Variants in CDH4 observed in about 807,000 individuals in gnomAD.
CDH4 encodes the protein cadherin-4.
CDH4 carries 33 observed loss-of-function variants against 86.0 expected under a neutral mutation model. The observed-to-expected ratio is 0.38, with a 90% confidence interval of 0.29 to 0.51. CDH4 has a LOEUF of 0.51. CDH4 is among the 20% of genes least tolerant of loss of function. The pLI is 0.86. For missense variants in CDH4, 1,114 were observed against 1,307.4 expected, an observed-to-expected ratio of 0.85 and a Z score of 2.28; for synonymous variants, 555 against 549.4, an observed-to-expected ratio of 1.01 and a Z score of -0.14.
chr20:61,590,332 C>G (rs929020984), intron 2 of CDH4, among the ~76,000 whole-genome samples: 2 of 152,040 alleles, frequency 1.3e-5, no homozygotes, highest in African/African-American at 4.8e-5. Flanking sequence ...TACTTTTGCT[C>G]GTGATCACAG....
At chr20:61,853,493 C>T (rs903741141) in intron 6 of CDH4, among the ~76,000 whole-genome samples, 42 of 152,124 alleles carry the variant, frequency 2.8e-4, no homozygotes, top group South Asian at 4.2e-4. Context: ...GCCTGTCCCC[C>T]GAGACTTCAC....
chr20:61,864,057 G>A (rs186146762), intron 6 of CDH4, among the ~76,000 whole-genome samples: 78 of 152,352 alleles, frequency 5.1e-4, no homozygotes, highest in Middle Eastern at 6.8e-3. Context: ...AGGCCAGTAG[G>A]GTGGGCCCTG....
At chr20:61,850,622 G>A (rs149399799) in intron 5 of CDH4, among the ~76,000 whole-genome samples, 53 of 152,308 alleles carry the variant, frequency 3.5e-4, no homozygotes, top group Non-Finnish European at 5.4e-4. Flanking sequence ...CTTGTCTCCC[G>A]GAACGAGGAT....
chr20:61,265,971 T>C (rs1413386160), intron 2 of CDH4, among the ~76,000 whole-genome samples: 1 of 152,214 alleles, frequency 6.6e-6, no homozygotes, highest in Non-Finnish European at 1.5e-5. Flanking sequence ...CAGGGTGAAC[T>C]GCCTGGGAAG....
intron 4 of CDH4, among the ~76,000 whole-genome samples, chr20:61,785,608 G>A (rs1978836464): frequency 6.6e-6 from 1 of 151,536 alleles, no homozygotes; most frequent in Admixed American, 6.6e-5. Context: ...TCACCCAGGT[G>A]GACAGGGCCC....
At chr20:61,773,332 G>T in intron 4 of CDH4, 150 bp downstream of exon 4, 1 of 758,446 alleles carries the variant, frequency 1.3e-6, no homozygotes, top group African/African-American at 1.8e-5. Context: ...GCCTTACACA[G>T]CGCGATGAAA....
At chr20:61,503,778 T>A (rs1448074880) in intron 2 of CDH4, among the ~76,000 whole-genome samples, 2 of 152,268 alleles carry the variant, frequency 1.3e-5, no homozygotes, top group African/African-American at 2.4e-5. Context: ...TTACTGTTTA[T>A]TAAACAATTT....
chr20:61,752,071 C>T (rs1021194803), intron 3 of CDH4, among the ~76,000 whole-genome samples: 2 of 152,206 alleles, frequency 1.3e-5, no homozygotes, highest in Non-Finnish European at 2.9e-5. Context: ...GTGGCTCACG[C>T]CTGTAATCCC....
At chr20:61,571,745 A>C (rs1313203574) in intron 2 of CDH4, among the ~76,000 whole-genome samples, 77 of 127,850 alleles carry the variant, frequency 6.0e-4, no homozygotes, top group East Asian at 9.1e-4. Flanking sequence ...TCCCCTTCTC[A>C]CTCTTTCCCT....
At chr20:61,680,763 C>T (rs551294171) in intron 2 of CDH4, among the ~76,000 whole-genome samples, 43 of 152,292 alleles carry the variant, frequency 2.8e-4, no homozygotes, top group Admixed American at 3.3e-4. Flanking sequence ...TCCGTCTCCC[C>T]GGGATGCAGG....
intron 2 of CDH4, among the ~76,000 whole-genome samples, chr20:61,333,511 A>C (rs1430147020): frequency 2.0e-5 from 3 of 152,194 alleles, no homozygotes; most frequent in Non-Finnish European, 2.9e-5. Flanking sequence ...ACCTGGTTCC[A>C]GGAGGGGTGA....
intron 2 of CDH4, among the ~76,000 whole-genome samples, chr20:61,353,677 C>CCATTACCCCTTCTCCTCCTCCTCT (rs2084728549): frequency 4.0e-5 from 2 of 50,112 alleles, no homozygotes; most frequent in African/African-American, 8.5e-5. Context: ...CTTCCCCCTC[C>CCATTACCCCTTCTCCTCCTCCTCT]TCCTCCCCCT....
At chr20:61,763,556 C>T (rs1238343127) in intron 3 of CDH4, among the ~76,000 whole-genome samples, 2 of 152,226 alleles carry the variant, frequency 1.3e-5, no homozygotes, top group East Asian at 3.9e-4. Flanking sequence ...GGAGTGGGAC[C>T]TGCTATCTGC....
chr20:61,633,444 TC>T (rs767290942), intron 2 of CDH4, among the ~76,000 whole-genome samples: 14 of 152,230 alleles, frequency 9.2e-5, no homozygotes, highest in Non-Finnish European at 1.8e-4. Context: ...CATCCATTCA[TC>T]CATCTATCCA....
chr20:61,357,277 T>C (rs558225720), intron 2 of CDH4, among the ~76,000 whole-genome samples: 1 of 152,346 alleles, frequency 6.6e-6, no homozygotes, highest in Non-Finnish European at 1.5e-5. Context: ...TTGGACATCG[T>C]GTGCCCCTCC....
At chr20:61,584,688 G>C (rs1056514285) in intron 2 of CDH4, among the ~76,000 whole-genome samples, 2 of 152,236 alleles carry the variant, frequency 1.3e-5, no homozygotes, top group Non-Finnish European at 2.9e-5. Context: ...AACCCTGTGA[G>C]AATGTGTGCT....
intron 2 of CDH4, among the ~76,000 whole-genome samples, chr20:61,692,718 T>C (rs576288366): frequency 6.6e-6 from 1 of 152,382 alleles, no homozygotes; most frequent in African/African-American, 2.4e-5. Context: ...CTGTGTGCCA[T>C]ATGACTCCAT....
At chr20:61,438,825 C>A (rs117183852) in intron 2 of CDH4, among the ~76,000 whole-genome samples, 1,622 of 152,090 alleles carry the variant, frequency 0.011, 16 homozygotes, top group Middle Eastern at 0.027. Flanking sequence ...GTAAATCCTG[C>A]CATGTTATTA....
intron 3 of CDH4, among the ~76,000 whole-genome samples, chr20:61,752,851 C>T (rs1247152903): frequency 4.6e-5 from 7 of 152,162 alleles, no homozygotes; most frequent in Non-Finnish European, 8.8e-5. Context: ...TGCAGAGTTA[C>T]AGTCGGTTGA....
Sources: gnomAD v4.1 joint callset for allele counts (sites outside exome capture counted in the v4.1 genomes callset) on GRCh38, gnomAD v4.1.1 for gene constraint, MANE v1.5 for transcripts, NCBI Gene and HGNC (gene_info 2026-07-23, HGNC 2026-07-21) for gene names.